Variants in RASEF observed in about 807,000 individuals in gnomAD.
RASEF encodes the protein RAS and EF-hand domain containing, also known as ras and EF-hand domain-containing protein.
Under a neutral mutation model 90.1 loss-of-function variants are expected in RASEF, and 68 were observed. The ratio of observed to expected loss-of-function variants is 0.75; its 90% CI spans 0.62 to 0.92. The LOEUF is 0.92. RASEF is among the 40% of genes least tolerant of loss of function. The probability of loss-of-function intolerance (pLI) is 0.00; values close to 1 mark genes in which losing one functional copy is unlikely to be tolerated. For synonymous variants in RASEF, 331 were observed against 345.2 expected, an observed-to-expected ratio of 0.96 and a Z score of 0.46; for missense variants, 949 against 937.2, an observed-to-expected ratio of 1.01 and a Z score of -0.16.
the RASEF span, among the ~76,000 whole-genome samples, chr9:83,165,869 A>AT: frequency 1.3e-5 from 2 of 152,150 alleles, no homozygotes; most frequent in African/African-American, 2.4e-5. Context: ...CAATAAATAC[A>AT]TTTTTTTAAA....
chr9:83,105,286 A>G, the RASEF span, among the ~76,000 whole-genome samples: 1 of 152,242 alleles, frequency 6.6e-6, no homozygotes, highest in Non-Finnish European at 1.5e-5. Context: ...GAGATAGTAT[A>G]GAATCCTATA....
chr9:83,009,421 C>G (rs1255333934), intron 6 of RASEF, among the ~76,000 whole-genome samples: 1 of 151,970 alleles, frequency 6.6e-6, no homozygotes. Flanking sequence ...TTTATTAAGC[C>G]CTGCACTAGC....
chr9:83,148,425 G>A, the RASEF span, among the ~76,000 whole-genome samples: 3 of 152,138 alleles, frequency 2.0e-5, no homozygotes, highest in African/African-American at 7.2e-5. Context: ...AACACTCACA[G>A]GGAGAACACC....
the RASEF span, among the ~76,000 whole-genome samples, chr9:83,188,876 G>A: frequency 6.6e-6 from 1 of 152,140 alleles, no homozygotes; most frequent in Admixed American, 6.6e-5. Flanking sequence ...TTCCATATCT[G>A]TCTGTGGTGT....
intron 1 of RASEF, among the ~76,000 whole-genome samples, chr9:83,029,254 G>A (rs1475054432): frequency 6.6e-6 from 1 of 152,030 alleles, no homozygotes; most frequent in East Asian, 1.9e-4. Context: ...CTAAACTCTG[G>A]CAGAAGAAAT....
At chr9:83,042,695 G>C (rs548928358) in intron 1 of RASEF, among the ~76,000 whole-genome samples, 1 of 151,350 alleles carries the variant, frequency 6.6e-6, no homozygotes, top group African/African-American at 2.5e-5. Flanking sequence ...CTGAAACTCA[G>C]GTATCTGACT....
the RASEF span, among the ~76,000 whole-genome samples, chr9:83,166,867 A>G: frequency 2.0e-5 from 3 of 152,158 alleles, no homozygotes; most frequent in African/African-American, 4.8e-5. Context: ...CAGCACCACT[A>G]AACAGAGCAG....
intron 3 of RASEF, among the ~76,000 whole-genome samples, chr9:83,021,316 A>C (rs1829440459): frequency 6.6e-6 from 1 of 152,194 alleles, no homozygotes. Flanking sequence ...CCAGGATGCA[A>C]ACTAAGGTCT....
the RASEF span, among the ~76,000 whole-genome samples, chr9:83,070,192 C>A: frequency 6.6e-6 from 1 of 152,062 alleles, no homozygotes; most frequent in African/African-American, 2.4e-5. Context: ...TATGACCCAT[C>A]TAAGAAGCAT....
intron 1 of RASEF, among the ~76,000 whole-genome samples, chr9:83,033,452 G>A (rs758388505): frequency 2.0e-5 from 3 of 152,156 alleles, no homozygotes; most frequent in Admixed American, 2.0e-4. Flanking sequence ...GGTGCAATAG[G>A]GGGTGGTCTC....
Position 83,061,999 on chromosome 9 carries a change from G to C in RASEF, c.431+438C>G, listed in dbSNP as rs1830209558. 5.3e-5 allele frequency among the ~76,000 whole-genome samples: 8 copies of C among 152,340 alleles called. No homozygotes were observed. The South Asian group carries it at 1.7e-3, about 32-fold the overall frequency. On this transcript the variant is annotated intron_variant, in intron 1 of 16. Transcript: ENST00000376447. ...CAAAGTTTCCTTTTCTATAGTCTTA[G>C]GAAAACGACAAATCAGAAAACTATT...
the RASEF span, among the ~76,000 whole-genome samples, chr9:83,144,414 A>AAGAAAGAAAGAAAGAAAGAAAGAAAG: frequency 2.0e-5 from 3 of 149,852 alleles, no homozygotes; most frequent in African/African-American, 7.4e-5. Flanking sequence ...GAAAGAAAGA[A>AAGAAAGAAAGAAAGAAAGAAAGAAAG]AGAAAAGAAA....
At chr9:83,042,237 A>G (rs977070365) in intron 1 of RASEF, among the ~76,000 whole-genome samples, 13 of 152,190 alleles carry the variant, frequency 8.5e-5, no homozygotes, top group African/African-American at 2.9e-4. Context: ...AAATGCAAGA[A>G]CTATATAGAA....
chr9:83,145,480 G>A, the RASEF span, among the ~76,000 whole-genome samples: 1 of 152,136 alleles, frequency 6.6e-6, no homozygotes, highest in Admixed American at 6.5e-5. Flanking sequence ...TTAGGGCCCA[G>A]TAGGGCCCTA....
Position 83,015,794 on chromosome 9 carries a change from C to A in RASEF, c.765+11G>T. ...AGGCTGTTCCTACAAGTCCAGCTGC[C>A]ACATGCCTACCTTTCTTAGCTTTTT... is the stretch of plus-strand genomic sequence containing the variant. On this transcript the variant is annotated intron_variant, in intron 4 of 16. Coordinates refer to ENST00000376447, the MANE Select transcript of RASEF (RefSeq NM_152573.4). 6.2e-7 allele frequency: 1 copy of A among 1,600,828 alleles called. No individual in the cohort carries two copies. The highest frequency in any genetic ancestry group is 8.6e-7 in the Non-Finnish European group (1 of 1,167,950).
intron 1 of RASEF, among the ~76,000 whole-genome samples, chr9:83,028,703 T>C (rs1330119625): frequency 6.6e-6 from 1 of 152,216 alleles, no homozygotes; most frequent in Non-Finnish European, 1.5e-5. Context: ...AGTCACCATA[T>C]TCCTGGTAAT....
At chr9:83,056,884 G>A (rs1830112094) in intron 1 of RASEF, among the ~76,000 whole-genome samples, 1 of 152,198 alleles carries the variant, frequency 6.6e-6, no homozygotes, top group South Asian at 2.1e-4. Context: ...AGTGAATTCT[G>A]AGGGTCACAG....
chr9:83,005,391 T>C, intron 8 of RASEF, 25 bp downstream of exon 8: 5 of 1,525,696 alleles, frequency 3.3e-6, no homozygotes, highest in Non-Finnish European at 4.5e-6. Context: ...AAGAATGAAA[T>C]ACATGGTAAA....
chr9:83,062,475 G>A lies in RASEF; in HGVS notation c.393C>T (p.Phe131=). The A allele has an allele frequency of 6.2e-7, 1 of 1,612,822 alleles. No homozygotes were observed. Among genetic ancestry groups the A allele is most frequent in the Non-Finnish European group, 8.5e-7 (1 of 1,179,688 alleles). Residue 131 remains phenylalanine (F), a synonymous_variant, in exon 1 of 17, where the codon TTC becomes TTT. Transcript: ENST00000376447. Reference sequence around the variant, plus strand: ...TGGCTTCGTCCCCAAGTCGCGCCTGGAAATCCTGCCAAGCCCGGCCGGGAC... The same window carrying A: ...TGGCTTCGTCCCCAAGTCGCGCCTGAAAATCCTGCCAAGCCCGGCCGGGAC... ...PASPGRAWQD[F]QARLGDEAKF...
Sources: gnomAD v4.1 joint callset for allele counts (sites outside exome capture counted in the v4.1 genomes callset) on GRCh38, gnomAD v4.1.1 for gene constraint, MANE v1.5 for transcripts, NCBI Gene and HGNC (gene_info 2026-07-23, HGNC 2026-07-21) for gene names.